Variants in TUBGCP5 observed in about 807,000 individuals in gnomAD.
TUBGCP5 encodes gamma-tubulin complex component 5.
TUBGCP5 carries 98 observed loss-of-function variants against 134.7 expected under a neutral mutation model. The ratio of observed to expected loss-of-function variants is 0.73; its 90% CI spans 0.62 to 0.86. The LOEUF (loss-of-function observed/expected upper bound fraction) is 0.86. Ranked by LOEUF, TUBGCP5 falls within the 40% of genes least tolerant of loss-of-function variation. The pLI is 0.00. For missense variants in TUBGCP5, 1,150 were observed against 1,244.8 expected (o/e 0.92, Z 1.15); for synonymous variants, 456 against 431.4 (o/e 1.06, Z -0.71).
intron 14 of TUBGCP5, 33 bp from the exon 15 acceptor site, chr15:23,010,166 G>A: frequency 6.3e-7 from 1 of 1,592,172 alleles, no homozygotes; most frequent in Non-Finnish European, 8.6e-7. Flanking sequence ...TTCTTTTTAT[G>A]AGCTGCTGTC....
intron 16 of TUBGCP5, among the ~76,000 whole-genome samples, chr15:23,007,308 T>A (rs1375566556): frequency 6.6e-6 from 1 of 152,146 alleles, no homozygotes; most frequent in African/African-American, 2.4e-5. Flanking sequence ...GAAAATGGCA[T>A]GAACCCGGGA....
chr15:22,985,448 C>A (rs900115720), intron 23 of TUBGCP5, among the ~76,000 whole-genome samples: 1 of 151,984 alleles, frequency 6.6e-6, no homozygotes, highest in South Asian at 2.1e-4. Flanking sequence ...AAACTCCCGA[C>A]CTCAGGTGAT....
intron 23 of TUBGCP5, among the ~76,000 whole-genome samples, chr15:22,988,473 C>T (rs1035849133): frequency 2.0e-5 from 3 of 151,680 alleles, no homozygotes; most frequent in African/African-American, 7.3e-5. Flanking sequence ...GTGGCTGAAG[C>T]CTGTAATCCC....
At chr15:23,022,729 G>A (rs2065773220) in intron 10 of TUBGCP5, among the ~76,000 whole-genome samples, 1 of 152,238 alleles carries the variant, frequency 6.6e-6, no homozygotes, top group African/African-American at 2.4e-5. Flanking sequence ...AATGTGCTGT[G>A]TCAATGTCAG....
chr15:22,985,670 T>C (rs1204931381), intron 23 of TUBGCP5, among the ~76,000 whole-genome samples: 1 of 152,052 alleles, frequency 6.6e-6, no homozygotes, highest in Non-Finnish European at 1.5e-5. Context: ...AAGGATTTGT[T>C]CTTGTGTTTT....
chr15:23,012,403 C>A (rs552998533), intron 13 of TUBGCP5, among the ~76,000 whole-genome samples: 1 of 152,018 alleles, frequency 6.6e-6, no homozygotes, highest in African/African-American at 2.4e-5. Flanking sequence ...CCTTTTTAGT[C>A]AGTTGATAAA....
intron 6 of TUBGCP5, among the ~76,000 whole-genome samples, chr15:23,030,316 GT>G (rs2066233001): frequency 6.6e-6 from 1 of 152,144 alleles, no homozygotes; most frequent in Non-Finnish European, 1.5e-5. Context: ...AAAAAAGTCT[GT>G]CTGTTTCTGG....
chr15:23,000,490 A>C, intron 22 of TUBGCP5, 79 bp downstream of exon 22: 1 of 1,560,122 alleles, frequency 6.4e-7, no homozygotes, highest in Non-Finnish European at 8.6e-7. Context: ...TCTTCATGGG[A>C]TCAGTAACAA....
In TUBGCP5 at chr15:23,030,600, T is replaced by TAAAAAA. The variant is rs1567162272; in HGVS notation, c.622+284_622+285insTTTTTT. 1.4e-3 allele frequency among the ~76,000 whole-genome samples: 169 copies of TAAAAAA among 118,738 alleles called. 1 individual carries two copies. The East Asian group carries it at 0.014, about 10-fold the overall frequency. The allele number at this position is 118,738 out of a possible 152,430, so 77.9% of individuals were successfully genotyped here. A position where few individuals can be genotyped will look rare whatever the true frequency, so the allele number is the denominator to read the frequency against. ...CTTAGCAAAATCAGTCCTTCTCCAA[T>TAAAAAA]TAAAAAAAAAAAAAAAAAAGGAAAC... On this transcript the variant is annotated intron_variant, in intron 6 of 22. Coordinates refer to ENST00000615383, the MANE Select transcript of TUBGCP5 (RefSeq NM_052903.6).
chr15:22,983,713 T>G (rs1266291335), intron 23 of TUBGCP5: 1 of 152,156 alleles, frequency 6.6e-6, no homozygotes, highest in African/African-American at 2.4e-5. Context: ...ATGTAGTTCG[T>G]CTCTCTCTCA....
intron 11 of TUBGCP5, 78 bp downstream of exon 11, chr15:23,021,881 A>C (rs2065716470): frequency 4.2e-6 from 6 of 1,429,764 alleles, no homozygotes; most frequent in African/African-American, 1.4e-5. Context: ...AGTATCAACA[A>C]AGAACTACCA....
chr15:22,996,710 ACTCCTGGCCTCAAGTGATCGGT>A, downstream of TUBGCP5: 1 of 151,904 alleles, frequency 6.6e-6, no homozygotes. Context: ...CGGGTCTCAA[ACTCCTGGCCTCAAGTGATCGGT>A]CTGCCTAGGC....
intron 11 of TUBGCP5, 48 bp from the exon 12 acceptor site, chr15:23,019,382 T>G: frequency 4.6e-6 from 6 of 1,294,344 alleles, no homozygotes; most frequent in Non-Finnish European, 6.7e-6. Flanking sequence ...CCCTGGTCAC[T>G]AGGATAAAAG....
At chr15:22,990,313 G>A (rs377092251) in intron 23 of TUBGCP5, among the ~76,000 whole-genome samples, 15 of 150,270 alleles carry the variant, frequency 1.0e-4, no homozygotes, top group African/African-American at 2.9e-4. Flanking sequence ...CTCCCACTAC[G>A]GGCACTGCAC....
At chr15:22,996,088 T>C (rs916544690), downstream of TUBGCP5, among the ~76,000 whole-genome samples, 5 of 152,350 alleles carry the variant, frequency 3.3e-5, no homozygotes, top group African/African-American at 1.2e-4. Context: ...AATCTCTGCG[T>C]GGACGCATTT....
At chr15:23,024,517 T>C in intron 9 of TUBGCP5, 1 of 443,198 alleles carries the variant, frequency 2.3e-6, no homozygotes, top group Non-Finnish European at 3.9e-6. Context: ...TGAAATTAAA[T>C]ATGTTCCAAA....
At chr15:23,008,951 A>G in intron 15 of TUBGCP5, 70 bp from the exon 16 acceptor site, 1 of 1,336,442 alleles carries the variant, frequency 7.5e-7, no homozygotes, top group East Asian at 2.6e-5. Flanking sequence ...GATCAACAAC[A>G]GGTTTTGTAA....
rs538909610 is a variant in TUBGCP5, at chr15:23,002,718, C to T, written c.2927+347G>A. ...GGCACAGCTGAAGCAGGTGCCATCA[C>T]GGTGTTCACAACACTGTCTTTGCCA... On this transcript the variant is annotated intron_variant, in intron 21 of 22. Coordinates refer to ENST00000615383, the MANE Select transcript of TUBGCP5 (RefSeq NM_052903.6). 7.2e-5 allele frequency among the ~76,000 whole-genome samples: 11 copies of T among 152,278 alleles called. No homozygotes were observed. The East Asian group carries it at 1.3e-3, about 19-fold the overall frequency.
Position 23,026,158 on chromosome 15 carries a change from C to T in TUBGCP5, c.785G>A (p.Arg262Lys). The change falls in exon 8 of 23, where the codon AGG (arginine) becomes AAG (lysine). Residue 262 changes from arginine (R) to lysine (K), a missense_variant. This residue lies in a region of TUBGCP5 where 453 missense variants were observed against 394.7 expected (regional missense o/e 1.15). Transcript: ENST00000615383. Reference sequence around the variant, plus strand: ...AACCTGAGTCTCAGTAACCAAAACCCTGTCATCTGGAACATACAATGGATC... The same window carrying T: ...AACCTGAGTCTCAGTAACCAAAACCTTGTCATCTGGAACATACAATGGATC... ...SSDPLYVPDD[R>K]VLVTETQVIR... 2 of 1,611,064 alleles carry T rather than the reference C, an allele frequency of 1.2e-6. No individual in the cohort carries two copies.
Sources: allele counts gnomAD v4.1 joint callset (sites outside exome capture counted in the v4.1 genomes callset), GRCh38; gene constraint gnomAD v4.1.1; regional missense constraint gnomAD v4.1.1; transcripts MANE v1.5; gene names NCBI Gene and HGNC (gene_info 2026-07-23, HGNC 2026-07-21).